The following DNAH11 variants were observed in gnomAD, a reference collection of about 807,000 sequenced individuals.
DNAH11 encodes dynein axonemal heavy chain 11.
Under a neutral mutation model 526.0 loss-of-function variants are expected in DNAH11, and 442 were observed. That is an observed-to-expected ratio of 0.84 (90% CI 0.78 to 0.91). The LOEUF (loss-of-function observed/expected upper bound fraction) is 0.91, where lower values mean the gene tolerates loss of function less well. Among genes scored for constraint, DNAH11 ranks in the 40% least tolerant of loss-of-function variants. DNAH11 has a pLI of 0.00. For synonymous variants in DNAH11, 2,461 were observed against 1,935.9 expected (o/e 1.27, Z -7.12); for missense variants, 6,989 against 5,448.7 (o/e 1.28, Z -8.90).
rs376242096 is a variant in DNAH11, at chr7:21,818,232, T to C, written c.10584T>C (p.Ile3528=). The C allele has an allele frequency of 2.5e-6, 4 of 1,611,932 alleles. No homozygotes were observed. Among genetic ancestry groups the C allele is most frequent in the Non-Finnish European group, 3.4e-6 (4 of 1,178,960 alleles). The change falls in exon 65 of 82, where the codon ATT becomes ATC. Residue 3528 remains isoleucine, a synonymous_variant. Coordinates refer to ENST00000409508, the MANE Select transcript of DNAH11 (RefSeq NM_001277115.2). The stretch of plus-strand genomic sequence containing the variant: ...GAATTTTAAGGTTTTTGAATGCCAT[T>C]GAAACTGCTTTGGCCTTTGGTGATG... ...HLGQKGFLNA[I]ETALAFGDVI...
chr7:21,748,775 C>T (rs1225772111), intron 52 of DNAH11, 33 bp downstream of exon 52: 3 of 1,584,958 alleles, frequency 1.9e-6, no homozygotes, highest in South Asian at 1.2e-5. Context: ...TCTTCTGACC[C>T]TTCTGCTTGG....
intron 20 of DNAH11, among the ~76,000 whole-genome samples, chr7:21,607,144 A>G (rs893771999): frequency 6.6e-6 from 1 of 150,698 alleles, no homozygotes; most frequent in Non-Finnish European, 1.5e-5. Flanking sequence ...CAAAGGCCCC[A>G]GACTCCCTAG....
chr7:21,639,968 C>T (rs1426757670), intron 28 of DNAH11, among the ~76,000 whole-genome samples: 1 of 151,638 alleles, frequency 6.6e-6, no homozygotes, highest in Non-Finnish European at 1.5e-5. Flanking sequence ...TTTTGCTGTT[C>T]TTTGGGCACA....
chr7:21,780,235 A>G (rs1368871305), intron 57 of DNAH11, among the ~76,000 whole-genome samples: 2 of 152,164 alleles, frequency 1.3e-5, no homozygotes, highest in Non-Finnish European at 2.9e-5. Flanking sequence ...TGAGTTTCAG[A>G]TAAGTGGAGA....
intron 20 of DNAH11, among the ~76,000 whole-genome samples, chr7:21,608,549 A>T (rs1283561167): frequency 6.6e-6 from 1 of 152,212 alleles, no homozygotes; most frequent in African/African-American, 2.4e-5. Flanking sequence ...TATTCAGAAA[A>T]CACCATTCTA....
intron 28 of DNAH11, among the ~76,000 whole-genome samples, chr7:21,650,780 C>T (rs148867684): frequency 0.01 from 1,534 of 151,830 alleles, 24 homozygotes; most frequent in African/African-American, 0.035. Context: ...GCGGGGATTA[C>T]AGGCACATGC....
chr7:21,580,778 T>C (rs1013938175), intron 8 of DNAH11, among the ~76,000 whole-genome samples: 1 of 152,136 alleles, frequency 6.6e-6, no homozygotes, highest in African/African-American at 2.4e-5. Context: ...CTTGATACTA[T>C]CGTATTGAGG....
Position 21,581,994 on chromosome 7 carries a change from C to G in DNAH11, c.1683C>G (p.Asn561Lys). 2 of 1,612,462 alleles carry G rather than the reference C, an allele frequency of 1.2e-6. No homozygotes were observed. The highest frequency in any genetic ancestry group is 1.7e-6 in the Non-Finnish European group (2 of 1,178,728). Reference sequence around the variant, plus strand: ...CAATTATTTGTGAAGCTTTCTTTAACTGCAATGGCTTAGAAGCTGCATTTA... The same window carrying G: ...CAATTATTTGTGAAGCTTTCTTTAAGTGCAATGGCTTAGAAGCTGCATTTA... ...LGTIICEAFF[N>K]CNGLEAAFKL... The change falls in exon 9 of 82, where the codon AAC becomes AAG. Residue 561 changes from asparagine (N) to lysine (K), a missense_variant. By Grantham distance (94) the Asn-to-Lys change is moderately conservative (BLOSUM62 0). Transcript: ENST00000409508.
At chr7:21,592,992 C>T (rs1784741802) in intron 14 of DNAH11, among the ~76,000 whole-genome samples, 1 of 152,056 alleles carries the variant, frequency 6.6e-6, no homozygotes, top group Non-Finnish European at 1.5e-5. Context: ...GGGCAAAATC[C>T]AGGTAAGTAA....
chr7:21,760,532 C>G (rs1475683206), intron 54 of DNAH11, among the ~76,000 whole-genome samples: 2 of 152,314 alleles, frequency 1.3e-5, no homozygotes, highest in East Asian at 1.9e-4. Context: ...GCCACTGCCC[C>G]AAATGTAATT....
chr7:21,896,375 C>A (rs980377526), intron 79 of DNAH11, among the ~76,000 whole-genome samples: 2 of 152,128 alleles, frequency 1.3e-5, no homozygotes, highest in Non-Finnish European at 2.9e-5. Context: ...TTATAGGACA[C>A]GATTATTTTT....
At chr7:21,894,047 C>T (rs916905324) in intron 77 of DNAH11, among the ~76,000 whole-genome samples, 4 of 152,144 alleles carry the variant, frequency 2.6e-5, no homozygotes, top group South Asian at 2.1e-4. Context: ...CTCCAACATG[C>T]CTGGCTAATT....
intron 30 of DNAH11, among the ~76,000 whole-genome samples, chr7:21,659,427 G>A (rs1015207542): frequency 1.3e-5 from 2 of 151,760 alleles, no homozygotes; most frequent in African/African-American, 4.8e-5. Flanking sequence ...TTGGTTTTCT[G>A]TTAATTATAA....
chr7:21,864,202 T>G (rs543062153), intron 69 of DNAH11, among the ~76,000 whole-genome samples: 2 of 152,352 alleles, frequency 1.3e-5, no homozygotes, highest in South Asian at 2.1e-4. Context: ...ACTGGAGGCT[T>G]TCTCATTTTG....
At chr7:21,671,416 T>G (rs1009724481) in intron 30 of DNAH11, among the ~76,000 whole-genome samples, 2 of 152,190 alleles carry the variant, frequency 1.3e-5, no homozygotes, top group Non-Finnish European at 2.9e-5. Flanking sequence ...GGGCCACACT[T>G]GGCCTATGCT....
chr7:21,676,007 A>G (rs937029429), intron 30 of DNAH11, among the ~76,000 whole-genome samples: 2 of 152,180 alleles, frequency 1.3e-5, no homozygotes, highest in African/African-American at 2.4e-5. Flanking sequence ...CTCCCGGAAC[A>G]TGAAGTGGTT....
At chr7:21,838,716 CTATTTATT>C (rs34468017) in intron 65 of DNAH11, among the ~76,000 whole-genome samples, 35 of 148,990 alleles carry the variant, frequency 2.3e-4, no homozygotes, top group African/African-American at 3.0e-4. Context: ...GATTTTTAAA[CTATTTATT>C]TATTTATTTA....
At chr7:21,815,959 A>C (rs1358558551) in intron 63 of DNAH11, among the ~76,000 whole-genome samples, 1 of 152,094 alleles carries the variant, frequency 6.6e-6, no homozygotes, top group East Asian at 1.9e-4. Context: ...TCCTTTGCAC[A>C]ACTGAGGAGT....
intron 54 of DNAH11, among the ~76,000 whole-genome samples, chr7:21,762,301 T>C (rs1786956837): frequency 6.6e-6 from 1 of 152,220 alleles, no homozygotes; most frequent in East Asian, 1.9e-4. Flanking sequence ...AGATACAGTA[T>C]TTTCTAACAC....
Sources: allele counts gnomAD v4.1 joint callset (sites outside exome capture counted in the v4.1 genomes callset), GRCh38; gene constraint gnomAD v4.1.1; transcripts MANE v1.5; gene names NCBI Gene and HGNC (gene_info 2026-07-23, HGNC 2026-07-21).